The following LMBR1L variants were observed in gnomAD, a reference collection of about 807,000 sequenced individuals.
LMBR1L encodes limb development membrane protein 1 like.
In LMBR1L, 47 loss-of-function variants were observed where a neutral mutation model predicts 67.3. The observed-to-expected ratio is 0.70, with a 90% CI of 0.55 to 0.89. LMBR1L has a LOEUF of 0.89. Ranked by LOEUF, LMBR1L falls within the 40% of genes least tolerant of loss-of-function variation. The pLI is 0.00. For missense variants in LMBR1L, 533 were observed against 599.2 expected, an observed-to-expected ratio of 0.89 and a Z score of 1.15; for synonymous variants, 247 against 250.3, an observed-to-expected ratio of 0.99 and a Z score of 0.13.
intron 2 of LMBR1L, 44 bp from the exon 3 acceptor site, chr12:49,106,001 G>C: frequency 6.4e-7 from 1 of 1,574,340 alleles, no homozygotes. Flanking sequence ...AGGACATCAG[G>C]GGGCAGCTCT....
chr12:49,102,832 C>G, intron 8 of LMBR1L, 55 bp downstream of exon 8: 2 of 1,517,446 alleles, frequency 1.3e-6, no homozygotes, highest in Non-Finnish European at 1.8e-6. Flanking sequence ...TTGTTTGGTT[C>G]CAGCTCTGCA....
rs1453380346 is a variant in LMBR1L at position 49,097,747 on chromosome 12, AGAG to A, written c.1403-11_1403-9del. On this transcript the variant is annotated splice_polypyrimidine_tract_variant and intron_variant, in intron 16 of 16. Coordinates refer to ENST00000267102, the MANE Select transcript of LMBR1L (RefSeq NM_018113.4). The stretch of plus-strand genomic sequence containing the variant: ...GCGGCAGTCTGTCCAGCCCTGGAGA[AGAG>A]GAGATGGGCAGTCAAAAGCAAGTCA... 1.2e-6 allele frequency: 2 copies of A among 1,614,002 alleles called. No individual in the cohort carries two copies. Among genetic ancestry groups the A allele is most frequent in the Non-Finnish European group, 8.5e-7 (1 of 1,179,944 alleles).
chr12:49,098,137 C>G (rs752653242), intron 15 of LMBR1L, 32 bp from the exon 16 acceptor site: 11 of 1,588,582 alleles, frequency 6.9e-6, no homozygotes, highest in African/African-American at 1.3e-5. Flanking sequence ...GAGAGGTGGG[C>G]TCCCCAGGCC....
intron 11 of LMBR1L, 49 bp downstream of exon 11, chr12:49,102,071 C>T (rs12320695): frequency 1.0e-4 from 156 of 1,526,806 alleles, no homozygotes; most frequent in Non-Finnish European, 1.4e-4. Flanking sequence ...CCTGAGAAGG[C>T]CTCAAGTACT....
intron 15 of LMBR1L, among the ~76,000 whole-genome samples, chr12:49,098,659 C>A (rs1220086085): frequency 6.6e-6 from 1 of 152,170 alleles, no homozygotes; most frequent in East Asian, 1.9e-4. Context: ...AAAAACTCTG[C>A]TCTCCACCTT....
intron 7 of LMBR1L, 43 bp from the exon 8 acceptor site, chr12:49,102,994 A>C (rs1415802837): frequency 1.2e-6 from 2 of 1,608,122 alleles, no homozygotes; most frequent in East Asian, 2.2e-5. Flanking sequence ...CCTGCTCTCC[A>C]CCCCTTCCCT....
intron 16 of LMBR1L, 62 bp from the exon 17 acceptor site, chr12:49,097,801 C>T: frequency 6.2e-7 from 1 of 1,607,196 alleles, no homozygotes; most frequent in Admixed American, 1.7e-5. Context: ...AGGGACCAGG[C>T]AGCCAAGCCA....
chr12:49,106,862 C>T (rs1940975178), intron 2 of LMBR1L, 99 bp downstream of exon 2: 2 of 1,040,538 alleles, frequency 1.9e-6, no homozygotes, highest in Non-Finnish European at 3.0e-6. Context: ...CAGCCCCACA[C>T]AGCCACTGCT....
At chr12:49,105,814 A>ACT in intron 3 of LMBR1L, 110 bp downstream of exon 3, 1 of 856,774 alleles carries the variant, frequency 1.2e-6, no homozygotes, top group Non-Finnish European at 1.8e-6. Context: ...GGAAACAGAA[A>ACT]CTCTCTCTTC....
At chr12:49,106,451 GTGTGCCCCCACCCCCAATTACACAA>G in intron 2 of LMBR1L, 1 of 625,038 alleles carries the variant, frequency 1.6e-6, no homozygotes, top group Non-Finnish European at 2.6e-6. Context: ...ACTGGGGCAA[GTGTGCCCCCACCCCCAATTACACAA>G]TGTCTAGGGA....
rs1381609936 is a variant in LMBR1L, at chr12:49,100,513, C to A, written c.1173+43G>T. The A allele has an allele frequency of 4.4e-6, 7 of 1,606,918 alleles. No individual in the cohort carries two copies. In the Admixed American group the frequency reaches 8.3e-5, roughly 19 times the overall value. On this transcript the variant is annotated intron_variant, in intron 14 of 16. Coordinates refer to ENST00000267102, the MANE Select transcript of LMBR1L (RefSeq NM_018113.4). ...GGAAGAGCTGCAGGCACCTAGTGCC[C>A]ATCCACACCCCCCGGGAGCTTCCCT...
rs1450200454 is a variant in LMBR1L, at chr12:49,107,587, T to C, written c.73-542A>G. Among the ~76,000 whole-genome samples, 10 of 152,298 alleles carry C rather than the reference T, an allele frequency of 6.6e-5. No homozygotes were observed. The South Asian group carries it at 2.1e-3, about 32-fold the overall frequency. On this transcript the variant is annotated intron_variant, in intron 1 of 16. Transcript: ENST00000267102. ...CAAGTCACAACTTCTATTCCATGCT[T>C]ATTCAGGGGCCTGAAAGATCAGGTC...
chr12:49,104,415 C>A (rs12314634), intron 5 of LMBR1L, 33 bp downstream of exon 5: 1 of 1,422,856 alleles, frequency 7.0e-7, no homozygotes, highest in East Asian at 2.3e-5. Context: ...TGTGGAATTC[C>A]GTTTCCTGCC....
chr12:49,101,431 A>G (rs1331691601), intron 12 of LMBR1L, 41 bp downstream of exon 12: 2 of 1,609,600 alleles, frequency 1.2e-6, no homozygotes, highest in Middle Eastern at 1.7e-4. Flanking sequence ...AGCTGTTCTT[A>G]GGCCCTCCCC....
In LMBR1L at chr12:49,103,108, C is replaced by A. The variant is rs760056206; in HGVS notation, c.614G>T (p.Gly205Val). 7 of 1,614,056 alleles carry A rather than the reference C, an allele frequency of 4.3e-6. No individual in the cohort carries two copies. Among genetic ancestry groups the A allele is most frequent in the Non-Finnish European group, 5.9e-6 (7 of 1,179,966 alleles). Residue 205 changes from glycine to valine, a missense_variant, in exon 7 of 17, where the codon GGG becomes GTG. Physicochemically the swap from Gly to Val is moderately radical, Grantham distance 109. This residue lies in a region of LMBR1L where 246 missense variants were observed against 249.0 expected (regional missense o/e 0.99). Transcript: ENST00000267102. ...PYLYSCISFLGVLLLLVCTPL... is the reference protein window; with the variant it reads ...PYLYSCISFLVVLLLLVCTPL... The stretch of plus-strand genomic sequence containing the variant: ...ACACTCACCCAGGAGCAGCAGAACC[C>A]CAAGGAAGGAGATGCATGAGTAGAG...
chr12:49,109,034 C>CA (rs1220179145), intron 1 of LMBR1L, among the ~76,000 whole-genome samples: 1 of 152,088 alleles, frequency 6.6e-6, no homozygotes, highest in Non-Finnish European at 1.5e-5. Flanking sequence ...TCTGGGCTTG[C>CA]GTAATAGCCA....
rs1171050820 is a variant in LMBR1L at position 49,107,025 on chromosome 12, T to G, written c.93A>C (p.Ala31=). 1 of 1,613,484 alleles carries G rather than the reference T, an allele frequency of 6.2e-7. No individual in the cohort carries two copies. Residue 31 remains alanine (A), a synonymous_variant, in exon 2 of 17, where the codon GCA becomes GCC. Transcript: ENST00000267102. ...AGATGTGGCAGAGGATGTACAGTGTTGCAAACAGAAGTGTTGATATCTGTA... is the reference window on the plus strand; with the variant it reads ...AGATGTGGCAGAGGATGTACAGTGTGGCAAACAGAAGTGTTGATATCTGTA... ...RECIISTLLF[A]TLYILCHIFL...
chr12:49,107,552 G>A (rs1246501017), intron 1 of LMBR1L, among the ~76,000 whole-genome samples: 1 of 152,188 alleles, frequency 6.6e-6, no homozygotes, highest in Non-Finnish European at 1.5e-5. Context: ...AAGGTGTCAT[G>A]TTTCTAGACC....
At chr12:49,103,219 G>T in intron 6 of LMBR1L, 60 bp from the exon 7 acceptor site, 1 of 1,441,772 alleles carries the variant, frequency 6.9e-7, no homozygotes, top group Non-Finnish European at 9.7e-7. Context: ...TCCCCAGGCT[G>T]ACAGGCCTCA....
Sources: gnomAD v4.1 joint callset for allele counts (sites outside exome capture counted in the v4.1 genomes callset) on GRCh38, gnomAD v4.1.1 for gene constraint, gnomAD v4.1.1 regional missense constraint, MANE v1.5 for transcripts, NCBI Gene and HGNC (gene_info 2026-07-23, HGNC 2026-07-21) for gene names.